ARHGAP6: variants seen among roughly 807,000 people sequenced by gnomAD.
ARHGAP6 encodes rho GTPase-activating protein 6.
In ARHGAP6, 16 loss-of-function variants were observed where a neutral mutation model predicts 55.7. The observed-to-expected ratio is 0.29, with a 90% CI of 0.19 to 0.44. The LOEUF (loss-of-function observed/expected upper bound fraction) is 0.44. Among genes scored for constraint, ARHGAP6 ranks in the 20% least tolerant of loss-of-function variants. The pLI, the probability that ARHGAP6 is intolerant of heterozygous loss-of-function variation, is 1.00. For synonymous variants in ARHGAP6, 382 were observed against 360.9 expected, an observed-to-expected ratio of 1.06 and a Z score of -0.66; for missense variants, 698 against 808.9, an observed-to-expected ratio of 0.86 and a Z score of 1.66.
chrX:11,506,509 C>T (rs973241066), intron 1 of ARHGAP6, among the ~76,000 whole-genome samples: 8 of 110,752 alleles, frequency 7.2e-5, no homozygotes, highest in South Asian at 3.9e-4. Flanking sequence ...TCTGTTCTTG[C>T]GATAGTTTGC....
At chrX:11,425,792 A>T (rs2049872478) in intron 1 of ARHGAP6, among the ~76,000 whole-genome samples, 1 of 112,092 alleles carries the variant, frequency 8.9e-6, no homozygotes, top group African/African-American at 3.2e-5. Context: ...TCATTGAATG[A>T]ATAGATTTTT....
intron 1 of ARHGAP6, among the ~76,000 whole-genome samples, chrX:11,452,873 A>G (rs1359646447): frequency 9.0e-6 from 1 of 111,162 alleles, no homozygotes; most frequent in Admixed American, 9.7e-5. Context: ...AGCCAAACAG[A>G]AGCTAAATGA....
At chrX:11,288,615 A>G (rs767645866) in intron 1 of ARHGAP6, among the ~76,000 whole-genome samples, 14 of 111,993 alleles carry the variant, frequency 1.3e-4, no homozygotes, top group Non-Finnish European at 2.1e-4. Flanking sequence ...GAACATTTCT[A>G]TCATCACAAA....
chrX:11,612,294 T>G (rs73501094), intron 1 of ARHGAP6, among the ~76,000 whole-genome samples: 1 of 112,178 alleles, frequency 8.9e-6, no homozygotes, highest in Admixed American at 9.4e-5. Context: ...TGGCACACTG[T>G]AGATGTCCAA....
rs1276743015 is a variant in ARHGAP6 at position 11,512,028 on chromosome X, G to A, written c.588+152213C>T. Among the ~76,000 whole-genome samples the A allele has an allele frequency of 3.6e-5, 4 of 110,654 alleles. No individual in the cohort carries two copies. In the East Asian group the frequency reaches 8.5e-4, roughly 24 times the overall value. Reference sequence around the variant, plus strand: ...TTTTTAGTAGAGACAGGGTTTCACCGTGTTAGCCAGGATGGTCTTGATCTC... The same window carrying A: ...TTTTTAGTAGAGACAGGGTTTCACCATGTTAGCCAGGATGGTCTTGATCTC... On this transcript the variant is annotated intron_variant, in intron 1 of 12. Coordinates refer to ENST00000337414, the MANE Select transcript of ARHGAP6 (RefSeq NM_013427.3).
intron 1 of ARHGAP6, among the ~76,000 whole-genome samples, chrX:11,331,612 G>T (rs1399635757): frequency 8.9e-6 from 1 of 111,853 alleles, no homozygotes; most frequent in African/African-American, 3.3e-5. Context: ...CACTAAATGA[G>T]TAAAACCATG....
intron 2 of ARHGAP6, among the ~76,000 whole-genome samples, chrX:11,207,078 A>G (rs917034487): frequency 6.3e-5 from 7 of 111,840 alleles, no homozygotes; most frequent in African/African-American, 1.9e-4. Context: ...TTTCTGCCTC[A>G]AATGTCTTCC....
chrX:11,302,772 TATTC>T (rs1391468891), intron 1 of ARHGAP6, among the ~76,000 whole-genome samples: 2 of 110,767 alleles, frequency 1.8e-5, no homozygotes, highest in Admixed American at 1.9e-4. Context: ...GTGGTTATGG[TATTC>T]ATTATCACCA....
At chrX:11,489,186 G>T (rs2050540788) in intron 1 of ARHGAP6, among the ~76,000 whole-genome samples, 1 of 111,457 alleles carries the variant, frequency 9.0e-6, no homozygotes, top group South Asian at 3.8e-4. Flanking sequence ...AAAGAATTTA[G>T]AACTAGACAA....
At chrX:11,508,953 G>C (rs768710359) in intron 1 of ARHGAP6, among the ~76,000 whole-genome samples, 17 of 110,106 alleles carry the variant, frequency 1.5e-4, no homozygotes, top group South Asian at 3.9e-4. Flanking sequence ...TTATCATTTA[G>C]GTTTCTTTAT....
intron 2 of ARHGAP6, among the ~76,000 whole-genome samples, chrX:11,238,793 T>G (rs1461809693): frequency 1.8e-5 from 2 of 111,760 alleles, no homozygotes; most frequent in East Asian, 5.6e-4. Flanking sequence ...GCCTGGGAAC[T>G]GCTCCTCCAG....
intron 1 of ARHGAP6, among the ~76,000 whole-genome samples, chrX:11,357,783 G>A (rs985326483): frequency 6.3e-5 from 7 of 111,650 alleles, no homozygotes; most frequent in African/African-American, 1.6e-4. Flanking sequence ...GGGATATAGC[G>A]ATTTACTTAA....
At chrX:11,214,193 A>G (rs765425136) in intron 2 of ARHGAP6, among the ~76,000 whole-genome samples, 126 of 110,569 alleles carry the variant, frequency 1.1e-3, no homozygotes, top group Non-Finnish European at 1.4e-3. Flanking sequence ...CTATGAATAT[A>G]AAAAGTATGC....
chrX:11,146,538 C>T (rs762478202), intron 10 of ARHGAP6, among the ~76,000 whole-genome samples: 2 of 112,748 alleles, frequency 1.8e-5, no homozygotes. Context: ...AGTGTGAGTA[C>T]ACATGGCAAG....
chrX:11,506,404 C>T (rs757570042), intron 1 of ARHGAP6, among the ~76,000 whole-genome samples: 12 of 109,045 alleles, frequency 1.1e-4, no homozygotes, highest in South Asian at 4.2e-4. Flanking sequence ...CCCCACCCCA[C>T]GACAGGCCCC....
intron 1 of ARHGAP6, among the ~76,000 whole-genome samples, chrX:11,516,386 A>G (rs1267156240): frequency 8.9e-6 from 1 of 111,745 alleles, no homozygotes; most frequent in East Asian, 2.8e-4. Flanking sequence ...CTGAAACTCT[A>G]TTCCCATTAA....
chrX:11,220,246 A>G (rs2046948803), intron 2 of ARHGAP6, among the ~76,000 whole-genome samples: 1 of 111,439 alleles, frequency 9.0e-6, no homozygotes, highest in Non-Finnish European at 1.9e-5. Context: ...CCATTGGTCT[A>G]TATCTCTGTT....
intron 1 of ARHGAP6, among the ~76,000 whole-genome samples, chrX:11,567,380 G>A (rs1266383417): frequency 3.1e-4 from 33 of 108,076 alleles, no homozygotes; most frequent in African/African-American, 1.0e-3. Flanking sequence ...CAGAAACCCC[G>A]TCTCTACTAA....
In ARHGAP6 at chrX:11,647,838, G is replaced by A. The variant is rs771734802; in HGVS notation, c.588+16403C>T. ...ATGCAAAATCAGACAAACTGAAACC[G>A]AGGGACATTCTACAAAATACCTGAC... On this transcript the variant is annotated intron_variant, in intron 1 of 12. Coordinates refer to ENST00000337414, the MANE Select transcript of ARHGAP6 (RefSeq NM_013427.3). Among the ~76,000 whole-genome samples the A allele has an allele frequency of 1.3e-4, 14 of 111,944 alleles. No individual in the cohort carries two copies. In the South Asian group the frequency reaches 4.5e-3, roughly 36 times the overall value.
Sources: gnomAD v4.1 joint callset for allele counts (sites outside exome capture counted in the v4.1 genomes callset) on GRCh38, gnomAD v4.1.1 for gene constraint, MANE v1.5 for transcripts, NCBI Gene and HGNC (gene_info 2026-07-23, HGNC 2026-07-21) for gene names.